OLFM3: variants seen among roughly 807,000 people sequenced by gnomAD.
OLFM3 encodes the protein olfactomedin 3.
Under a neutral mutation model 48.6 loss-of-function variants are expected in OLFM3, and 20 were observed. The observed-to-expected ratio is 0.41, with a 90% CI of 0.29 to 0.60. OLFM3 has a LOEUF of 0.60. Among genes scored for constraint, OLFM3 ranks in the 20% least tolerant of loss-of-function variants. The pLI is 0.28. For synonymous variants in OLFM3, 222 were observed against 198.1 expected, an observed-to-expected ratio of 1.12 and a Z score of -1.01; for missense variants, 437 against 544.3, an observed-to-expected ratio of 0.80 and a Z score of 1.96.
chr1:101,844,429 C>T (rs926695083), intron 1 of OLFM3, among the ~76,000 whole-genome samples: 1 of 152,104 alleles, frequency 6.6e-6, no homozygotes, highest in South Asian at 2.1e-4. Context: ...CCAAGAGGGC[C>T]AATGACTGGC....
chr1:101,805,035 T>C (rs985734290), intron 5 of OLFM3, 120 bp from the exon 6 acceptor site: 11 of 747,286 alleles, frequency 1.5e-5, no homozygotes, highest in Non-Finnish European at 2.1e-5. Flanking sequence ...AGCCACACTA[T>C]CTTACTGCTG....
At chr1:101,819,058 A>C (rs1557686575) in intron 4 of OLFM3, among the ~76,000 whole-genome samples, 1 of 152,138 alleles carries the variant, frequency 6.6e-6, no homozygotes, top group Non-Finnish European at 1.5e-5. Flanking sequence ...AAAATATGTT[A>C]ATGTACTAAG....
chr1:101,864,943 T>C (rs1294400988), intron 1 of OLFM3, among the ~76,000 whole-genome samples: 1 of 152,200 alleles, frequency 6.6e-6, no homozygotes, highest in Non-Finnish European at 1.5e-5. Context: ...TTCTCAGGAT[T>C]CTCCCATTTC....
chr1:101,845,175 TTTC>T (rs1252274098), intron 1 of OLFM3, among the ~76,000 whole-genome samples: 1 of 151,964 alleles, frequency 6.6e-6, no homozygotes, highest in Non-Finnish European at 1.5e-5. Context: ...TTCTTATTAT[TTTC>T]TTATTATTAT....
chr1:101,983,749 A>C (rs1391696985), intron 1 of OLFM3, among the ~76,000 whole-genome samples: 1 of 152,220 alleles, frequency 6.6e-6, no homozygotes, highest in Admixed American at 6.5e-5. Context: ...TAAGCAAACT[A>C]TACAACACAT....
intron 1 of OLFM3, among the ~76,000 whole-genome samples, chr1:101,911,629 G>A (rs773921713): frequency 2.6e-5 from 4 of 152,148 alleles, no homozygotes; most frequent in Non-Finnish European, 4.4e-5. Flanking sequence ...ACAAATACCA[G>A]TTGAGACAGC....
chr1:101,860,638 T>A (rs1656614563), intron 1 of OLFM3, among the ~76,000 whole-genome samples: 1 of 152,040 alleles, frequency 6.6e-6, no homozygotes, highest in Non-Finnish European at 1.5e-5. Context: ...TCAGACCAGT[T>A]CTCTCATAAC....
intron 1 of OLFM3, among the ~76,000 whole-genome samples, chr1:101,965,326 A>G (rs1170140789): frequency 6.6e-6 from 1 of 152,248 alleles, no homozygotes; most frequent in Non-Finnish European, 1.5e-5. Flanking sequence ...TGCGGGCTGC[A>G]GAATAGGACA....
chr1:101,857,677 CTT>C (rs1218826645), intron 1 of OLFM3, among the ~76,000 whole-genome samples: 2 of 151,564 alleles, frequency 1.3e-5, no homozygotes, highest in African/African-American at 2.4e-5. Context: ...TTTTCTACCT[CTT>C]TGTCTCCTTT....
At chr1:101,939,759 G>T (rs1361691057) in intron 1 of OLFM3, among the ~76,000 whole-genome samples, 1 of 152,174 alleles carries the variant, frequency 6.6e-6, no homozygotes, top group Non-Finnish European at 1.5e-5. Flanking sequence ...CTTCAGAGGA[G>T]CAAAGTGGTG....
At chr1:101,956,052 G>T (rs1660278659) in intron 1 of OLFM3, among the ~76,000 whole-genome samples, 2 of 143,424 alleles carry the variant, frequency 1.4e-5, no homozygotes, top group Non-Finnish European at 1.5e-5. Context: ...ATTTTTTCTT[G>T]CATCTGTCAT....
chr1:101,923,517 A>G (rs537595136), intron 1 of OLFM3, among the ~76,000 whole-genome samples: 1 of 152,310 alleles, frequency 6.6e-6, no homozygotes, highest in South Asian at 2.1e-4. Context: ...TAGTGGAGTA[A>G]TTAAAGCACG....
chr1:101,977,619 G>A (rs930504544), intron 1 of OLFM3, among the ~76,000 whole-genome samples: 1 of 152,088 alleles, frequency 6.6e-6, no homozygotes, highest in Non-Finnish European at 1.5e-5. Context: ...AAAGAACAGA[G>A]ATGATCTGTA....
At chr1:101,944,429 T>C (rs1298360728) in intron 1 of OLFM3, among the ~76,000 whole-genome samples, 1 of 152,130 alleles carries the variant, frequency 6.6e-6, no homozygotes, top group Non-Finnish European at 1.5e-5. Context: ...ATTTCAATAG[T>C]GCCTATTCAA....
intron 4 of OLFM3, among the ~76,000 whole-genome samples, chr1:101,822,733 C>T (rs986328579): frequency 3.3e-5 from 5 of 152,036 alleles, no homozygotes; most frequent in Non-Finnish European, 7.4e-5. Context: ...ATCTGGCAAG[C>T]CCTGTCACTA....
At chr1:101,938,830 C>A (rs911058646) in intron 1 of OLFM3, among the ~76,000 whole-genome samples, 3 of 152,124 alleles carry the variant, frequency 2.0e-5, no homozygotes, top group African/African-American at 7.2e-5. Flanking sequence ...CAAGTATTCA[C>A]CCAAATCATC....
Position 101,986,034 on chromosome 1 carries a change from C to T in OLFM3, c.69+10714G>A, listed in dbSNP as rs370229374. On this transcript the variant is annotated intron_variant, in intron 1 of 5. Coordinates refer to ENST00000370103, the MANE Select transcript of OLFM3 (RefSeq NM_058170.4). ...AGGCTGGAGTGCAGTGGCGCGATCT[C>T]GGCTCACTGCAAGCTCCGCCTCCCG... Among the ~76,000 whole-genome samples the T allele has an allele frequency of 1.2e-4, 18 of 149,732 alleles. No homozygotes were observed. The East Asian group carries it at 3.1e-3, about 26-fold the overall frequency.
intron 1 of OLFM3, among the ~76,000 whole-genome samples, chr1:101,981,776 A>T (rs1661112312): frequency 6.6e-6 from 1 of 152,160 alleles, no homozygotes; most frequent in Non-Finnish European, 1.5e-5. Flanking sequence ...CTGTTAGCTA[A>T]TGTCAACATA....
intron 1 of OLFM3, among the ~76,000 whole-genome samples, chr1:101,981,375 T>C (rs1039952511): frequency 6.6e-6 from 1 of 152,224 alleles, no homozygotes; most frequent in African/African-American, 2.4e-5. Flanking sequence ...AAATCTCTCA[T>C]GTATCATTCC....
Sources: gnomAD v4.1 joint callset for allele counts (sites outside exome capture counted in the v4.1 genomes callset) on GRCh38, gnomAD v4.1.1 for gene constraint, MANE v1.5 for transcripts, NCBI Gene and HGNC (gene_info 2026-07-23, HGNC 2026-07-21) for gene names.